The following UBN1 variants were observed in gnomAD, a reference collection of about 807,000 sequenced individuals.
UBN1 encodes ubinuclein-1.
UBN1 carries 17 observed loss-of-function variants against 108.5 expected under a neutral mutation model. That is an observed-to-expected ratio of 0.16 (90% CI 0.11 to 0.24). UBN1 has a LOEUF of 0.24. UBN1 is among the 10% of genes least tolerant of loss of function. The probability of loss-of-function intolerance (pLI) is 1.00; values close to 1 mark genes in which losing one functional copy is unlikely to be tolerated. For synonymous variants in UBN1, 726 were observed against 564.2 expected (o/e 1.29, Z -4.07); for missense variants, 1,595 against 1,394.4 (o/e 1.14, Z -2.29).
intron 2 of UBN1, among the ~76,000 whole-genome samples, chr16:4,854,242 T>A (rs2086690322): frequency 1.3e-5 from 2 of 151,550 alleles, no homozygotes; most frequent in South Asian, 4.2e-4. Context: ...AATGTGTTAG[T>A]CAGGGTGGTC....
At chr16:4,862,226 T>C (rs1037152259) in intron 7 of UBN1, among the ~76,000 whole-genome samples, 1 of 152,250 alleles carries the variant, frequency 6.6e-6, no homozygotes, top group African/African-American at 2.4e-5. Flanking sequence ...TTACCTATAA[T>C]ATCCTTTGTG....
intron 7 of UBN1, among the ~76,000 whole-genome samples, chr16:4,867,163 G>T (rs949870236): frequency 6.6e-6 from 1 of 152,244 alleles, no homozygotes; most frequent in Non-Finnish European, 1.5e-5. Flanking sequence ...GGGTTCTGAA[G>T]AAGGGAGTGG....
intron 1 of UBN1, among the ~76,000 whole-genome samples, chr16:4,849,652 C>T (rs539082748): frequency 6.6e-6 from 1 of 150,826 alleles, no homozygotes; most frequent in Admixed American, 6.6e-5. Flanking sequence ...AGTGCAGTGG[C>T]AGGATCACGG....
intron 4 of UBN1, 67 bp from the exon 5 acceptor site, chr16:4,858,958 G>T: frequency 6.3e-7 from 1 of 1,577,730 alleles, no homozygotes. Flanking sequence ...TCTCTCTCGA[G>T]ACCCACTTTG....
rs1397398106 is a variant in UBN1 at position 4,859,927 on chromosome 16, C to G, written c.630C>G (p.Asp210Glu). The change falls in exon 6 of 18, where the codon GAC (aspartate) becomes GAG (glutamate). Residue 210 changes from aspartate (D) to glutamate (E), a missense_variant. Physicochemically the swap from Asp to Glu is conservative, Grantham distance 45 (BLOSUM62 2). Around this residue, in one of 3 missense-constraint regions of UBN1, gnomAD observed 1,398 missense variants for 1,194.7 expected, o/e 1.17. Coordinates refer to ENST00000262376, the MANE Select transcript of UBN1 (RefSeq NM_001079514.3). ...IKKKKKDDTYDKEKKSKKSKF... is the reference protein window; with the variant it reads ...IKKKKKDDTYEKEKKSKKSKF... ...AGAAGAAAAAAGATGACACTTATGA[C>G]AAGGAGAAGAAATCGAAAAAGTCCA... 3.1e-6 allele frequency: 5 copies of G among 1,614,122 alleles called. No homozygotes were observed. The highest frequency in any genetic ancestry group is 4.2e-6 in the Non-Finnish European group (5 of 1,180,008).
intron 7 of UBN1, 105 bp downstream of exon 7, chr16:4,861,207 G>A: frequency 7.8e-7 from 1 of 1,290,204 alleles, no homozygotes; most frequent in Non-Finnish European, 1.0e-6. Context: ...TAGTGAGTTG[G>A]CAGTTAAGGT....
At chr16:4,856,390 A>G (rs529142709) in intron 2 of UBN1, among the ~76,000 whole-genome samples, 2 of 152,366 alleles carry the variant, frequency 1.3e-5, no homozygotes, top group South Asian at 2.1e-4. Context: ...ACATTTGTGC[A>G]GCAGTTCTTT....
At chr16:4,868,100 C>T (rs187899790) in intron 7 of UBN1, among the ~76,000 whole-genome samples, 32 of 152,266 alleles carry the variant, frequency 2.1e-4, no homozygotes, top group Admixed American at 1.8e-3. Flanking sequence ...AATATGCAAC[C>T]AAGTGTGAGA....
In UBN1 at chr16:4,874,456, A is replaced by G; in HGVS notation, c.2046A>G (p.Ala682=). 1 of 1,614,224 alleles carries G rather than the reference A, an allele frequency of 6.2e-7. No individual in the cohort carries two copies. Among genetic ancestry groups the G allele is most frequent in the Non-Finnish European group, 8.5e-7 (1 of 1,180,040 alleles). The part of the protein sequence containing the change: ...SVEAVSKELA[A]LNSRAAGNSE... ...AAGCCGTGTCCAAGGAATTGGCTGCATTGAATAGCAGAGCAGCTGGGAACT... is the reference window on the plus strand; with the variant it reads ...AAGCCGTGTCCAAGGAATTGGCTGCGTTGAATAGCAGAGCAGCTGGGAACT... Residue 682 remains alanine, a synonymous_variant, in exon 15 of 18, where the codon GCA becomes GCG. Coordinates refer to ENST00000262376, the MANE Select transcript of UBN1 (RefSeq NM_001079514.3).
rs556894704 is a variant in UBN1, at chr16:4,869,929, A to C, written c.1182-283A>C. ...GAAAGCTTTCATGTTTTCTCTATGAAATTTAGTGCTTCAGAGCTTGTTCTC... is the reference window on the plus strand; with the variant it reads ...GAAAGCTTTCATGTTTTCTCTATGACATTTAGTGCTTCAGAGCTTGTTCTC... On this transcript the variant is annotated intron_variant, in intron 8 of 17. Transcript: ENST00000262376. Among the ~76,000 whole-genome samples, 30 of 152,210 alleles carry C rather than the reference A, an allele frequency of 2.0e-4. 1 individual carries two copies. Among genetic ancestry groups the C allele is most frequent in the African/African-American group, 7.0e-4 (29 of 41,530 alleles).
At chr16:4,849,205 T>C (rs1250249919) in intron 1 of UBN1, among the ~76,000 whole-genome samples, 1 of 152,200 alleles carries the variant, frequency 6.6e-6, no homozygotes, top group Non-Finnish European at 1.5e-5. Flanking sequence ...CTACCACTAT[T>C]AGATAATAAG....
intron 1 of UBN1, among the ~76,000 whole-genome samples, chr16:4,849,680 C>T (rs1339509630): frequency 2.0e-5 from 3 of 151,424 alleles, no homozygotes; most frequent in African/African-American, 7.3e-5. Context: ...CAGCCTGGAC[C>T]TTCCCAGTCT....
chr16:4,865,351 A>G (rs898316413), intron 7 of UBN1, among the ~76,000 whole-genome samples: 4 of 152,332 alleles, frequency 2.6e-5, no homozygotes, highest in Non-Finnish European at 5.9e-5. Context: ...AAGATTACAT[A>G]GAAAGCTTCT....
At chr16:4,857,267 C>G (rs1371297621) in intron 2 of UBN1, among the ~76,000 whole-genome samples, 2 of 151,550 alleles carry the variant, frequency 1.3e-5, no homozygotes, top group African/African-American at 4.8e-5. Flanking sequence ...GGAGGATCAC[C>G]CGAGCCTGGG....
chr16:4,854,827 G>A (rs1003594597), intron 2 of UBN1, among the ~76,000 whole-genome samples: 7 of 151,230 alleles, frequency 4.6e-5, no homozygotes, highest in African/African-American at 1.2e-4. Flanking sequence ...GGTTCATGCC[G>A]TTTTCCTGTC....
chr16:4,866,286 C>T (rs1324921532), intron 7 of UBN1, among the ~76,000 whole-genome samples: 1 of 152,102 alleles, frequency 6.6e-6, no homozygotes, highest in Non-Finnish European at 1.5e-5. Context: ...TGGATTTCAC[C>T]CCTCTGGGCT....
intron 2 of UBN1, among the ~76,000 whole-genome samples, chr16:4,855,875 T>C (rs1156946587): frequency 1.3e-5 from 2 of 152,134 alleles, no homozygotes; most frequent in Admixed American, 6.5e-5. Context: ...GCTGAGATCA[T>C]GCCACTGTAC....
intron 12 of UBN1, 56 bp downstream of exon 12, chr16:4,871,357 G>A: frequency 1.3e-6 from 2 of 1,573,924 alleles, no homozygotes; most frequent in Non-Finnish European, 1.7e-6. Flanking sequence ...TTTGAACGCT[G>A]CTTTTGTGCC....
At chr16:4,854,340 T>TTTGTTGTTG (rs35003213) in intron 2 of UBN1, among the ~76,000 whole-genome samples, 7,211 of 148,474 alleles carry the variant, frequency 0.049, 580 homozygotes, top group African/African-American at 0.17. Flanking sequence ...GCCTCTCTTT[T>TTTGTTGTTG]TTGTTGTTGT....
Sources: gnomAD v4.1 joint callset for allele counts (sites outside exome capture counted in the v4.1 genomes callset) on GRCh38, gnomAD v4.1.1 for gene constraint, gnomAD v4.1.1 regional missense constraint, MANE v1.5 for transcripts, NCBI Gene and HGNC (gene_info 2026-07-23, HGNC 2026-07-21) for gene names.